GPC6: variants seen among roughly 807,000 people sequenced by gnomAD.
The protein encoded by GPC6 is glypican-6.
In GPC6, 14 loss-of-function variants were observed where a neutral mutation model predicts 55.2. The ratio of observed to expected loss-of-function variants is 0.25; its 90% CI spans 0.17 to 0.40. The LOEUF (loss-of-function observed/expected upper bound fraction) is 0.40, where lower values mean the gene tolerates loss of function less well. GPC6 is among the 10% of genes least tolerant of loss of function. The pLI, the probability that GPC6 is intolerant of heterozygous loss-of-function variation, is 1.00. For synonymous variants in GPC6, 278 were observed against 259.6 expected (o/e 1.07, Z -0.68); for missense variants, 641 against 708.5 (o/e 0.90, Z 1.08).
intron 4 of GPC6, among the ~76,000 whole-genome samples, chr13:94,118,541 T>A (rs1886514342): frequency 6.6e-6 from 1 of 151,970 alleles, no homozygotes; most frequent in African/African-American, 2.4e-5. Flanking sequence ...CCCAAATCAT[T>A]TCATGTGAAC....
rs59292552 is a variant in GPC6, at chr13:93,932,230, T to A, written c.712-95499T>A. Among the ~76,000 whole-genome samples the A allele has an allele frequency of 1.1e-3, 165 of 152,326 alleles. 1 individual carries two copies. Among genetic ancestry groups the A allele is most frequent in the African/African-American group, 3.8e-3 (158 of 41,572 alleles). On this transcript the variant is annotated intron_variant, in intron 3 of 8. Coordinates refer to ENST00000377047, the MANE Select transcript of GPC6 (RefSeq NM_005708.5). Reference sequence around the variant, plus strand: ...TTTTGTTACTTAGATTTTTTTCAAATAAATTTTGTGCAGATGGATTTTCCC... The same window carrying A: ...TTTTGTTACTTAGATTTTTTTCAAAAAAATTTTGTGCAGATGGATTTTCCC...
intron 3 of GPC6, among the ~76,000 whole-genome samples, chr13:94,027,338 C>T (rs887136870): frequency 3.9e-5 from 6 of 152,154 alleles, no homozygotes; most frequent in African/African-American, 1.2e-4. Flanking sequence ...TATCTGCCAA[C>T]CTCCTTTAGA....
At chr13:94,294,837 A>T (rs192364487) in intron 5 of GPC6, among the ~76,000 whole-genome samples, 1 of 152,090 alleles carries the variant, frequency 6.6e-6, no homozygotes, top group African/African-American at 2.4e-5. Context: ...GGCAGTGAGC[A>T]TATTATTCCT....
intron 6 of GPC6, among the ~76,000 whole-genome samples, chr13:94,343,834 G>A (rs1182487034): frequency 6.6e-6 from 1 of 152,076 alleles, no homozygotes; most frequent in East Asian, 1.9e-4. Context: ...AGGCTCAGGT[G>A]ATCCTCCCAC....
chr13:93,455,369 G>T (rs1002308417), intron 1 of GPC6, among the ~76,000 whole-genome samples: 13 of 152,096 alleles, frequency 8.5e-5, no homozygotes, highest in African/African-American at 3.1e-4. Flanking sequence ...ATTTCCAAAC[G>T]AAGGAAAAGA....
chr13:94,059,823 T>C (rs1884259321), intron 4 of GPC6, among the ~76,000 whole-genome samples: 1 of 151,916 alleles, frequency 6.6e-6, no homozygotes, highest in Non-Finnish European at 1.5e-5. Context: ...TCCTCCTTCA[T>C]GACCTAATCC....
At chr13:93,274,463 G>T (rs1877660095) in intron 1 of GPC6, among the ~76,000 whole-genome samples, 1 of 152,054 alleles carries the variant, frequency 6.6e-6, no homozygotes, top group South Asian at 2.1e-4. Flanking sequence ...TTCAAAAGAG[G>T]ACATGATCCT....
At chr13:93,796,076 G>T (rs563806071) in intron 2 of GPC6, among the ~76,000 whole-genome samples, 1 of 151,218 alleles carries the variant, frequency 6.6e-6, no homozygotes, top group Admixed American at 6.6e-5. Context: ...TGTGCCTGTA[G>T]TCCCAGCTAA....
chr13:94,340,361 T>C (rs558193575), intron 6 of GPC6, among the ~76,000 whole-genome samples: 15 of 152,036 alleles, frequency 9.9e-5, no homozygotes, highest in Non-Finnish European at 1.9e-4. Flanking sequence ...CTACCAATTA[T>C]CAAGAATTAG....
chr13:94,186,103 T>TTTAAGATA lies in GPC6; in HGVS notation c.878-100244_878-100237dup, dbSNP rs537923408. On this transcript the variant is annotated intron_variant, in intron 4 of 8. Coordinates refer to ENST00000377047, the MANE Select transcript of GPC6 (RefSeq NM_005708.5). ...AAAGGTTTTCTTACTGAGAAATTAT[T>TTTAAGATA]TTAAGATATATGTTCACATAGACCT... is the stretch of plus-strand genomic sequence containing the variant. Among the ~76,000 whole-genome samples, 373 of 144,344 alleles carry TTTAAGATA rather than the reference T, an allele frequency of 2.6e-3. 1 individual carries two copies. Among genetic ancestry groups the TTTAAGATA allele is most frequent in the African/African-American group, 9.0e-3 (354 of 39,314 alleles). The allele number at this position is 144,344 out of a possible 152,430, so 94.7% of individuals were successfully genotyped here.
intron 1 of GPC6, among the ~76,000 whole-genome samples, chr13:93,387,129 CTTTCTTTTTTTTT>C (rs1875437472): frequency 9.0e-5 from 1 of 11,088 alleles, no homozygotes; most frequent in African/African-American, 2.5e-4. Context: ...TTGATGGTTT[CTTTCTTTTTTTTT>C]TTTCTTTCCT....
intron 4 of GPC6, among the ~76,000 whole-genome samples, chr13:94,198,984 A>G (rs973263971): frequency 6.6e-6 from 1 of 152,064 alleles, no homozygotes; most frequent in African/African-American, 2.4e-5. Context: ...CCCACAGGAA[A>G]TTTCTTTCAT....
At chr13:93,351,372 G>A (rs1880624581) in intron 1 of GPC6, among the ~76,000 whole-genome samples, 1 of 152,064 alleles carries the variant, frequency 6.6e-6, no homozygotes, top group Non-Finnish European at 1.5e-5. Context: ...CAAAGTGGAT[G>A]ATAACAATTA....
intron 4 of GPC6, among the ~76,000 whole-genome samples, chr13:94,086,615 C>T (rs776466539): frequency 3.9e-5 from 6 of 152,074 alleles, no homozygotes; most frequent in Non-Finnish European, 7.3e-5. Context: ...GTTCTTTCAC[C>T]ACTTCCCAAC....
At chr13:93,981,281 G>A (rs892762751) in intron 3 of GPC6, among the ~76,000 whole-genome samples, 6 of 151,838 alleles carry the variant, frequency 4.0e-5, no homozygotes, top group South Asian at 2.1e-4. Context: ...AAGTTTTTTC[G>A]CAAGAACTTA....
chr13:94,369,071 T>C (rs1178840841), intron 6 of GPC6, among the ~76,000 whole-genome samples: 1 of 152,032 alleles, frequency 6.6e-6, no homozygotes, highest in Non-Finnish European at 1.5e-5. Context: ...AATATTCACA[T>C]TGGTTTTTTT....
chr13:93,722,332 A>G (rs1183517254), intron 2 of GPC6, among the ~76,000 whole-genome samples: 3 of 151,814 alleles, frequency 2.0e-5, no homozygotes, highest in Non-Finnish European at 4.4e-5. Context: ...TTGAGACACT[A>G]TTACCAGAAA....
intron 2 of GPC6, among the ~76,000 whole-genome samples, chr13:93,602,706 A>G (rs1171436773): frequency 1.3e-5 from 2 of 152,234 alleles, no homozygotes; most frequent in African/African-American, 4.8e-5. Flanking sequence ...AAATACATAC[A>G]TGGCATACTT....
At chr13:94,272,622 C>A (rs1892075130) in intron 4 of GPC6, among the ~76,000 whole-genome samples, 1 of 151,730 alleles carries the variant, frequency 6.6e-6, no homozygotes, top group Admixed American at 6.6e-5. Flanking sequence ...GCGCCCGCCA[C>A]CACGCCCGGC....
Sources: gnomAD v4.1 joint callset for allele counts (sites outside exome capture counted in the v4.1 genomes callset) on GRCh38, gnomAD v4.1.1 for gene constraint, MANE v1.5 for transcripts, NCBI Gene and HGNC (gene_info 2026-07-23, HGNC 2026-07-21) for gene names.